NLK: variants seen among roughly 807,000 people sequenced by gnomAD.
NLK encodes nemo like kinase.
Under a neutral mutation model 59.0 loss-of-function variants are expected in NLK, and 11 were observed. The ratio of observed to expected loss-of-function variants is 0.19; its 90% CI spans 0.12 to 0.31. The LOEUF (loss-of-function observed/expected upper bound fraction) is 0.31. Ranked by LOEUF, NLK falls within the 10% of genes least tolerant of loss-of-function variation. NLK has a pLI of 1.00. For synonymous variants in NLK, 235 were observed against 235.9 expected (o/e 1.00, Z 0.03); for missense variants, 410 against 661.1 (o/e 0.62, Z 4.16).
At chr17:28,141,123 A>C (rs996625708) in intron 3 of NLK, among the ~76,000 whole-genome samples, 1 of 152,218 alleles carries the variant, frequency 6.6e-6, no homozygotes, top group African/African-American at 2.4e-5. Context: ...ACTGTGAACA[A>C]ATGTATTAGG....
chr17:28,065,928 C>T (rs1909808998), intron 1 of NLK, among the ~76,000 whole-genome samples: 1 of 152,088 alleles, frequency 6.6e-6, no homozygotes, highest in Admixed American at 6.6e-5. Context: ...GTTCCTACTC[C>T]ACCTCTTCCT....
chr17:28,142,511 G>A (rs1055227857), intron 3 of NLK, among the ~76,000 whole-genome samples: 6 of 152,168 alleles, frequency 3.9e-5, no homozygotes, highest in South Asian at 2.1e-4. Flanking sequence ...TGAGATTTAC[G>A]GCTGACCATT....
Position 28,121,112 on chromosome 17 carries a change from T to C in NLK, c.459-1491T>C, listed in dbSNP as rs1036764088. Among the ~76,000 whole-genome samples the C allele has an allele frequency of 1.3e-5, 2 of 152,176 alleles. 1 individual carries two copies. Among genetic ancestry groups the C allele is most frequent in the South Asian group, 4.1e-4 (2 of 4,834 alleles). ...CTTTTTTTTGAATACAGGCAGAGTCTTGCTGTATTACCCAGGCTGGTCTCA... is the reference window on the plus strand; with the variant it reads ...CTTTTTTTTGAATACAGGCAGAGTCCTGCTGTATTACCCAGGCTGGTCTCA... On this transcript the variant is annotated intron_variant, in intron 1 of 10. Coordinates refer to ENST00000407008, the MANE Select transcript of NLK (RefSeq NM_016231.5).
chr17:28,183,973 G>C (rs188822907), intron 7 of NLK, among the ~76,000 whole-genome samples: 2 of 152,314 alleles, frequency 1.3e-5, no homozygotes, highest in African/African-American at 2.4e-5. Context: ...GTGAGAGACA[G>C]AGCAATGATG....
At chr17:28,117,805 G>T (rs1035083111) in intron 1 of NLK, among the ~76,000 whole-genome samples, 75 of 152,112 alleles carry the variant, frequency 4.9e-4, no homozygotes, top group African/African-American at 1.5e-3. Flanking sequence ...AAAAGAACTC[G>T]GCTAATATAA....
At chr17:28,199,638 C>T (rs1475887135), downstream of NLK, among the ~76,000 whole-genome samples, 1 of 138,972 alleles carries the variant, frequency 7.2e-6, no homozygotes, top group Admixed American at 7.6e-5. Context: ...TGCACTCCAG[C>T]CTGGATGACA....
At chr17:28,080,905 T>A (rs1259311852) in intron 1 of NLK, among the ~76,000 whole-genome samples, 29 of 152,126 alleles carry the variant, frequency 1.9e-4, no homozygotes, top group Admixed American at 1.9e-3. Context: ...TTGTGTTTTT[T>A]TTGAGACAGG....
intron 1 of NLK, among the ~76,000 whole-genome samples, chr17:28,061,075 G>A (rs942161411): frequency 3.9e-5 from 6 of 152,186 alleles, no homozygotes; most frequent in African/African-American, 1.4e-4. Context: ...CCAGGCTGGA[G>A]TTCAGTGGTG....
At chr17:28,120,928 G>C (rs900495884) in intron 1 of NLK, among the ~76,000 whole-genome samples, 3 of 152,174 alleles carry the variant, frequency 2.0e-5, no homozygotes, top group Non-Finnish European at 2.9e-5. Context: ...CATTGAATGA[G>C]TAATTGAATA....
intron 3 of NLK, among the ~76,000 whole-genome samples, chr17:28,144,577 C>T (rs1384563111): frequency 1.3e-5 from 2 of 152,178 alleles, no homozygotes; most frequent in Non-Finnish European, 2.9e-5. Flanking sequence ...TGAAAAGCCT[C>T]ATAACCTCAT....
intron 3 of NLK, among the ~76,000 whole-genome samples, chr17:28,137,489 A>G (rs1440358122): frequency 6.6e-6 from 1 of 152,152 alleles, no homozygotes; most frequent in Non-Finnish European, 1.5e-5. Context: ...TATATATCAC[A>G]TATTCAAGTT....
chr17:28,075,160 T>C (rs1004521348), intron 1 of NLK, among the ~76,000 whole-genome samples: 2 of 152,234 alleles, frequency 1.3e-5, no homozygotes, highest in African/African-American at 4.8e-5. Context: ...TTATGTGATC[T>C]GGCAGACAAA....
At chr17:28,060,365 A>C (rs1159539056) in intron 1 of NLK, among the ~76,000 whole-genome samples, 5 of 152,196 alleles carry the variant, frequency 3.3e-5, no homozygotes, top group Non-Finnish European at 1.5e-5. Flanking sequence ...AAAAAGCAAA[A>C]TCTAGGGAGA....
At chr17:28,184,735 G>A (rs147364647) in intron 7 of NLK, among the ~76,000 whole-genome samples, 12 of 152,228 alleles carry the variant, frequency 7.9e-5, no homozygotes, top group African/African-American at 2.9e-4. Flanking sequence ...ATCACTTGAG[G>A]TCAGGGGTTC....
intron 3 of NLK, among the ~76,000 whole-genome samples, chr17:28,157,655 T>TA (rs539237323): frequency 1.3e-5 from 2 of 151,944 alleles, no homozygotes; most frequent in Admixed American, 1.3e-4. Flanking sequence ...AAATGTTACT[T>TA]AAAAAAAAGA....
intron 1 of NLK, among the ~76,000 whole-genome samples, chr17:28,046,727 C>T (rs1036414699): frequency 2.0e-5 from 3 of 152,168 alleles, no homozygotes; most frequent in South Asian, 2.1e-4. Context: ...GGAAGTTGAC[C>T]GCATGAGAGT....
intron 1 of NLK, among the ~76,000 whole-genome samples, chr17:28,066,138 A>T (rs1266398115): frequency 6.6e-6 from 1 of 151,982 alleles, no homozygotes; most frequent in Non-Finnish European, 1.5e-5. Context: ...CAGGTGTTCA[A>T]CCTCTGCCCC....
intron 1 of NLK, among the ~76,000 whole-genome samples, chr17:28,079,093 A>G (rs1284579742): frequency 2.0e-5 from 3 of 152,202 alleles, no homozygotes; most frequent in African/African-American, 7.2e-5. Context: ...TCATTTGACT[A>G]CTTTAGATAC....
At chr17:28,050,655 T>C (rs1403203817) in intron 1 of NLK, among the ~76,000 whole-genome samples, 1 of 151,798 alleles carries the variant, frequency 6.6e-6, no homozygotes, top group East Asian at 1.9e-4. Context: ...AGAACTGAGA[T>C]CTGTCTGAGT....
Sources: allele counts gnomAD v4.1 joint callset (sites outside exome capture counted in the v4.1 genomes callset), GRCh38; gene constraint gnomAD v4.1.1; transcripts MANE v1.5; gene names NCBI Gene and HGNC (gene_info 2026-07-23, HGNC 2026-07-21).